The following AKR1C3 variants were observed in gnomAD, a reference collection of about 807,000 sequenced individuals.
AKR1C3 encodes the protein aldo-keto reductase family 1 member C3, also known as 3-alpha hydroxysteroid dehydrogenase, type II.
A neutral mutation model predicts 43.6 loss-of-function variants in AKR1C3; 48 were observed. The ratio of observed to expected loss-of-function variants is 1.10; its 90% CI spans 0.87 to 1.40. The LOEUF (loss-of-function observed/expected upper bound fraction) is 1.40, where lower values mean the gene tolerates loss of function less well. Ranked by LOEUF, AKR1C3 falls within the 40% of genes most tolerant of loss-of-function variation. The probability of loss-of-function intolerance (pLI) is 0.00; values close to 1 mark genes in which losing one functional copy is unlikely to be tolerated. For synonymous variants in AKR1C3, 162 were observed against 139.6 expected (o/e 1.16, Z -1.13); for missense variants, 482 against 391.2 (o/e 1.23, Z -1.96).
chr10:5,092,090 TACC>T (rs1839103992), upstream of AKR1C3, among the ~76,000 whole-genome samples: 1 of 152,156 alleles, frequency 6.6e-6, no homozygotes, highest in Non-Finnish European at 1.5e-5. Flanking sequence ...GTTTTATTTT[TACC>T]ACATTAAATG....
At chr10:5,074,930 C>T (rs1411275384) in intron 1 of AKR1C3, among the ~76,000 whole-genome samples, 3 of 152,150 alleles carry the variant, frequency 2.0e-5, no homozygotes, top group African/African-American at 7.2e-5. Flanking sequence ...TCCTCTGCCC[C>T]CTGTTGTTGA....
intron 1 of AKR1C3, among the ~76,000 whole-genome samples, chr10:5,051,668 A>G (rs534607935): frequency 1.3e-5 from 2 of 152,290 alleles, no homozygotes; most frequent in African/African-American, 4.8e-5. Context: ...TCAGACAAAT[A>G]TTAACATGGA....
upstream of AKR1C3, among the ~76,000 whole-genome samples, chr10:5,091,116 C>CAAA (rs1839077582): frequency 2.6e-5 from 4 of 151,476 alleles, no homozygotes; most frequent in Admixed American, 2.6e-4. Flanking sequence ...GAGCAACCAC[C>CAAA]GAAGAAGAAA....
chr10:5,105,512 T>A (rs1458277210), intron 7 of AKR1C3, 83 bp from the exon 8 acceptor site: 8 of 1,028,732 alleles, frequency 7.8e-6, no homozygotes, highest in Non-Finnish European at 1.2e-5. Context: ...TTTTAAGTAT[T>A]GTCTCTGCAC....
In AKR1C3 at chr10:5,103,366, CTTTT is replaced by C. The variant is rs200366306; in HGVS notation, c.846+721_846+724del. On this transcript the variant is annotated intron_variant, in intron 7 of 8. Coordinates refer to ENST00000380554, the MANE Select transcript of AKR1C3 (RefSeq NM_003739.6). ...CTTTCTTTGACTCTTAGTTGCTTGT[CTTTT>C]TTTTAAGTATAGGAGACCATAATTA... Among the ~76,000 whole-genome samples, 4 of 149,456 alleles carry C rather than the reference CTTTT, an allele frequency of 2.7e-5. No individual in the cohort carries two copies. In the South Asian group the frequency reaches 8.3e-4, roughly 31 times the overall value.
At chr10:5,050,411 T>C (rs1302705692) in intron 1 of AKR1C3, among the ~76,000 whole-genome samples, 1 of 152,228 alleles carries the variant, frequency 6.6e-6, no homozygotes, top group Non-Finnish European at 1.5e-5. Context: ...ACAAAAGGCA[T>C]TTACTATTTC....
intron 8 of AKR1C3, 83 bp downstream of exon 8, chr10:5,105,760 A>C: frequency 9.9e-7 from 1 of 1,007,352 alleles, no homozygotes; most frequent in Admixed American, 2.0e-5. Flanking sequence ...CCTCCATACC[A>C]GAGGGACAGA....
chr10:5,069,022 C>G lies in AKR1C3; in HGVS notation c.84+20127C>G, dbSNP rs573479777. On this transcript the variant is annotated intron_variant, in intron 1 of 8. Transcript: ENST00000439082. ...AACTGTTTATTTCCTAAAGATTACT[C>G]AAGTCACATGAACTAAATAAAAAGC... Among the ~76,000 whole-genome samples the G allele has an allele frequency of 3.9e-4, 59 of 152,324 alleles. No homozygotes were observed. In the South Asian group the frequency reaches 0.012, roughly 30 times the overall value.
At chr10:5,081,595 C>G (rs782442358) in intron 1 of AKR1C3, 3 of 152,196 alleles carry the variant, frequency 2.0e-5, no homozygotes, top group African/African-American at 7.2e-5. Context: ...TTGGCACCAG[C>G]CAACATTCTC....
rs17304691 is a variant in AKR1C3 at position 5,078,829 on chromosome 10, A to G, written c.85-17581A>G. 9.4e-3 allele frequency among the ~76,000 whole-genome samples: 1,436 copies of G among 152,334 alleles called. 9 individuals carry two copies. Among genetic ancestry groups the G allele is most frequent in the Non-Finnish European group, 0.015 (1,012 of 68,018 alleles). On this transcript the variant is annotated intron_variant, in intron 1 of 8. Coordinates refer to the AKR1C3 transcript ENST00000439082. ...TTGAAGCAAGGGACTATTTGCCTCA[A>G]GGTTAAATAAGACAAGAAGAGCTTC...
chr10:5,063,765 C>CAAAAAAAAAAAAA (rs71391987), intron 1 of AKR1C3, among the ~76,000 whole-genome samples: 1,049 of 46,386 alleles, frequency 0.023, 174 homozygotes, highest in Non-Finnish European at 0.028. Flanking sequence ...TCTGTCTCAG[C>CAAAAAAAAAAAAA]AAAAAAAAAA....
At chr10:5,080,334 C>G (rs1208362695) in intron 1 of AKR1C3, among the ~76,000 whole-genome samples, 1 of 152,164 alleles carries the variant, frequency 6.6e-6, no homozygotes, top group African/African-American at 2.4e-5. Context: ...TAAGATTTCT[C>G]AGAGCCTGGC....
intron 1 of AKR1C3, among the ~76,000 whole-genome samples, chr10:5,066,762 C>T (rs1390056698): frequency 2.0e-5 from 3 of 152,108 alleles, no homozygotes; most frequent in Admixed American, 6.5e-5. Flanking sequence ...TGTATTTTTC[C>T]GTAGGTCATA....
chr10:5,048,914 G>C (rs1232565984), intron 1 of AKR1C3: 1 of 1,604,852 alleles, frequency 6.2e-7, no homozygotes, highest in Non-Finnish European at 8.5e-7. Flanking sequence ...AATGTTTTTG[G>C]TGCAGAGAGT....
intron 1 of AKR1C3, among the ~76,000 whole-genome samples, chr10:5,060,547 T>C (rs4456163): frequency 0.23 from 34,509 of 151,936 alleles, 3,952 homozygotes; most frequent in East Asian, 0.39. Context: ...AGAGTGCCAA[T>C]TGGTGTATTT....
At chr10:5,085,128 G>A (rs1838934119) in intron 1 of AKR1C3, among the ~76,000 whole-genome samples, 2 of 152,086 alleles carry the variant, frequency 1.3e-5, no homozygotes, top group South Asian at 2.1e-4. Context: ...TAGGAGTGGT[G>A]AGAGAAGGCA....
upstream of AKR1C3, among the ~76,000 whole-genome samples, chr10:5,091,221 G>C (rs1235768191): frequency 6.6e-6 from 1 of 152,010 alleles, no homozygotes; most frequent in African/African-American, 2.4e-5. Flanking sequence ...AAAAACTGAT[G>C]ATGCAGGAAA....
chr10:5,095,382 T>C (rs1045571623), intron 1 of AKR1C3, among the ~76,000 whole-genome samples: 24 of 152,018 alleles, frequency 1.6e-4, no homozygotes, highest in African/African-American at 5.3e-4. Context: ...TTAATATAAA[T>C]TGGCATGGGC....
chr10:5,096,504 A>G lies in AKR1C3; in HGVS notation c.179A>G (p.Gln60Arg). 2 of 1,613,902 alleles carry G rather than the reference A, an allele frequency of 1.2e-6. No individual in the cohort carries two copies. Among genetic ancestry groups the G allele is most frequent in the Non-Finnish European group, 1.7e-6 (2 of 1,179,810 alleles). Residue 60 changes from glutamine to arginine, a missense_variant, in exon 2 of 9, where the codon CAG (glutamine) becomes CGG (arginine). Coordinates refer to ENST00000380554, the MANE Select transcript of AKR1C3 (RefSeq NM_003739.6). Reference sequence around the variant, plus strand: ...GCTCATTTATACAATAATGAGGAGCAGGTTGGACTGGCCATCCGAAGCAAG... The same window carrying G: ...GCTCATTTATACAATAATGAGGAGCGGGTTGGACTGGCCATCCGAAGCAAG... ...DSAHLYNNEE[Q>R]VGLAIRSKIA...
Sources: gnomAD v4.1 joint callset for allele counts (sites outside exome capture counted in the v4.1 genomes callset) on GRCh38, gnomAD v4.1.1 for gene constraint, MANE v1.5 for transcripts, NCBI Gene and HGNC (gene_info 2026-07-23, HGNC 2026-07-21) for gene names.